Variants in SLC22A14 observed in about 807,000 individuals in gnomAD.
SLC22A14 encodes the protein organic cation transporter-like 4.
In SLC22A14, 50 loss-of-function variants were observed where a neutral mutation model predicts 53.9. The observed-to-expected ratio is 0.93, with a 90% CI of 0.74 to 1.17. The LOEUF (loss-of-function observed/expected upper bound fraction) is 1.17, where lower values mean the gene tolerates loss of function less well. SLC22A14 is among the 50% of genes most tolerant of loss of function. SLC22A14 has a pLI of 0.00. For missense variants in SLC22A14, 671 were observed against 734.7 expected (o/e 0.91, Z 1.00); for synonymous variants, 312 against 303.0 (o/e 1.03, Z -0.31).
At position 38,302,395 on chromosome 3, in the gene SLC22A14, A is replaced by G. The variant is rs1317970863; in HGVS notation, c.1-3632A>G. Among the ~76,000 whole-genome samples, 7 of 144,398 alleles carry G rather than the reference A, an allele frequency of 4.8e-5. No homozygotes were observed. In the East Asian group the frequency reaches 1.2e-3, roughly 24 times the overall value. The allele number at this position is 144,398 out of a possible 152,430, so 94.7% of individuals were successfully genotyped here. The stretch of plus-strand genomic sequence containing the variant: ...TGCATTTCTGGTTAAAACTGTTTTT[A>G]ACTGGCTGTGCATGGTGGCAGATTG... On this transcript the variant is annotated intron_variant, in intron 1 of 10. Transcript: ENST00000448498.
At chr3:38,291,121 T>C (rs1405577714) in intron 1 of SLC22A14, among the ~76,000 whole-genome samples, 2 of 152,210 alleles carry the variant, frequency 1.3e-5, no homozygotes, top group African/African-American at 4.8e-5. Context: ...AAGTGAGGGC[T>C]ATTAGTTTTG....
chr3:38,288,443 T>G (rs1703837897), intron 1 of SLC22A14, among the ~76,000 whole-genome samples: 1 of 152,222 alleles, frequency 6.6e-6, no homozygotes, highest in Non-Finnish European at 1.5e-5. Flanking sequence ...TTTGTGTATG[T>G]ACCCAGAATT....
chr3:38,290,755 C>A (rs1173630341), intron 1 of SLC22A14, among the ~76,000 whole-genome samples: 1 of 152,216 alleles, frequency 6.6e-6, no homozygotes, highest in Non-Finnish European at 1.5e-5. Context: ...CTGTTGAGTA[C>A]TGGGGCTTGG....
At chr3:38,305,678 A>C (rs980023759) in intron 1 of SLC22A14, 1 of 235,686 alleles carries the variant, frequency 4.2e-6, no homozygotes, top group African/African-American at 2.3e-5. Flanking sequence ...GACCTCTCCT[A>C]CCTTTTGCAA....
At position 38,318,185 on chromosome 3, in the gene SLC22A14, A is replaced by G. The variant is rs1559556591; in HGVS notation, c.1734-13A>G. ...GATGTGGCCCTGGACTCATCCTCTGATGGCTCTTTCAGGAATAAGGTCAAG... is the reference window on the plus strand; with the variant it reads ...GATGTGGCCCTGGACTCATCCTCTGGTGGCTCTTTCAGGAATAAGGTCAAG... On this transcript the variant is annotated splice_polypyrimidine_tract_variant and intron_variant, in intron 10 of 10. Coordinates refer to ENST00000448498, the MANE Select transcript of SLC22A14 (RefSeq NM_001320033.2). 2 of 1,613,168 alleles carry G rather than the reference A, an allele frequency of 1.2e-6. No individual in the cohort carries two copies. Among genetic ancestry groups the G allele is most frequent in the Non-Finnish European group, 8.5e-7 (1 of 1,179,132 alleles).
intron 1 of SLC22A14, among the ~76,000 whole-genome samples, chr3:38,288,146 C>T (rs995169984): frequency 6.6e-6 from 1 of 152,164 alleles, no homozygotes; most frequent in African/African-American, 2.4e-5. Flanking sequence ...CTTTCTGTGT[C>T]TATGAATTTG....
intron 1 of SLC22A14, among the ~76,000 whole-genome samples, chr3:38,287,098 G>GGT (rs200712467): frequency 2.0e-5 from 3 of 151,418 alleles, no homozygotes; most frequent in African/African-American, 4.9e-5. Flanking sequence ...TTCAGATATA[G>GGT]GTGTGTGTGT....
chr3:38,304,554 A>C (rs1409495352), intron 1 of SLC22A14, among the ~76,000 whole-genome samples: 1 of 151,950 alleles, frequency 6.6e-6, no homozygotes, highest in Non-Finnish European at 1.5e-5. Flanking sequence ...AGCCTGGCTA[A>C]ATTTTTTTGA....
In SLC22A14 at chr3:38,284,756, T is replaced by TA. The variant is rs58028334; in HGVS notation, c.-1+2429dup. ...GTGGGTGATCAGCCTCCCACAAAATTAAAAAAAAAAAATCACAAGAACAGA... is the reference window on the plus strand; with the variant it reads ...GTGGGTGATCAGCCTCCCACAAAATTAAAAAAAAAAAAATCACAAGAACAGA... On this transcript the variant is annotated intron_variant, in intron 1 of 10. Coordinates refer to ENST00000448498, the MANE Select transcript of SLC22A14 (RefSeq NM_001320033.2). 4.1e-3 allele frequency among the ~76,000 whole-genome samples: 598 copies of TA among 145,414 alleles called. 3 individuals carry two copies. The highest frequency in any genetic ancestry group is 0.025 in the Middle Eastern group (7 of 284).
intron 6 of SLC22A14, 36 bp downstream of exon 6, chr3:38,313,155 G>A (rs1704520041): frequency 6.2e-7 from 1 of 1,605,966 alleles, no homozygotes; most frequent in Admixed American, 1.7e-5. Context: ...GGCCGGAGCA[G>A]TGGGCTGTGG....
intron 1 of SLC22A14, among the ~76,000 whole-genome samples, chr3:38,288,047 G>A (rs918932588): frequency 3.9e-5 from 6 of 152,224 alleles, no homozygotes; most frequent in Middle Eastern, 3.4e-3. Context: ...TCTCCGGAAC[G>A]ATTTCATTTT....
At chr3:38,313,161 T>C (rs2125891292) in intron 6 of SLC22A14, 42 bp downstream of exon 6, 1 of 1,603,890 alleles carries the variant, frequency 6.2e-7, no homozygotes. Flanking sequence ...AGCAGTGGGC[T>C]GTGGAAGGGC....
At position 38,308,980 on chromosome 3, in the gene SLC22A14, C is replaced by T. The variant is rs146067679; in HGVS notation, c.802C>T (p.Arg268Trp). Residue 268 changes from arginine (R) to tryptophan (W), a missense_variant, in exon 5 of 11, where the codon CGG (arginine) becomes TGG (tryptophan). By Grantham distance (101) the Arg-to-Trp change is moderately radical (BLOSUM62 -3). Transcript: ENST00000448498. Reference sequence around the variant, plus strand: ...CACTGAGTGGTTAGTGGGTGAGCACCGGGCCCATGCCATTATCCTGGGACA... The same window carrying T: ...CACTGAGTGGTTAGTGGGTGAGCACTGGGCCCATGCCATTATCCTGGGACA... ...LATEWLVGEH[R>W]AHAIILGHCF... The T allele has an allele frequency of 7.7e-5, 125 of 1,614,082 alleles. No individual in the cohort carries two copies. The highest frequency in any genetic ancestry group is 7.6e-4 in the African/African-American group (57 of 75,052).
At chr3:38,291,193 C>T (rs1214599019) in intron 1 of SLC22A14, among the ~76,000 whole-genome samples, 2 of 152,088 alleles carry the variant, frequency 1.3e-5, no homozygotes, top group Non-Finnish European at 1.5e-5. Context: ...TATTACTGAC[C>T]ACTGCATACC....
intron 6 of SLC22A14, 27 bp from the exon 7 acceptor site, chr3:38,313,361 C>G: frequency 1.9e-6 from 3 of 1,576,438 alleles, no homozygotes; most frequent in Non-Finnish European, 1.7e-6. Context: ...TTGGCCCTGC[C>G]TCTGACTGGT....
intron 1 of SLC22A14, among the ~76,000 whole-genome samples, chr3:38,288,108 C>T (rs1483371200): frequency 4.6e-5 from 7 of 152,198 alleles, no homozygotes; most frequent in Non-Finnish European, 1.0e-4. Flanking sequence ...TTTTCCTCCT[C>T]CCTCAGTCCC....
At chr3:38,290,303 G>A (rs977771013) in intron 1 of SLC22A14, among the ~76,000 whole-genome samples, 1 of 152,170 alleles carries the variant, frequency 6.6e-6, no homozygotes, top group Non-Finnish European at 1.5e-5. Context: ...TGGGAGGGGC[G>A]CCTTCGATGT....
chr3:38,306,553 T>C lies in SLC22A14; in HGVS notation c.516+11T>C. The stretch of plus-strand genomic sequence containing the variant: ...TCGCTGATCAATGAGGTATGTCTTG[T>C]CATGGGTTGTCTGTAACTACCCTAC... On this transcript the variant is annotated intron_variant, in intron 2 of 10. Transcript: ENST00000448498. 2 of 1,600,264 alleles carry C rather than the reference T, an allele frequency of 1.2e-6. No homozygotes were observed. The highest frequency in any genetic ancestry group is 1.7e-6 in the Non-Finnish European group (2 of 1,171,854).
intron 1 of SLC22A14, among the ~76,000 whole-genome samples, chr3:38,289,842 C>A (rs1703873627): frequency 6.6e-6 from 1 of 152,076 alleles, no homozygotes. Flanking sequence ...CAAATATGGA[C>A]CAGAAGAGTG....
Sources: gnomAD v4.1 joint callset for allele counts (sites outside exome capture counted in the v4.1 genomes callset) on GRCh38, gnomAD v4.1.1 for gene constraint, MANE v1.5 for transcripts, NCBI Gene and HGNC (gene_info 2026-07-23, HGNC 2026-07-21) for gene names.